The following TGFBR3 variants were observed in gnomAD, a reference collection of about 807,000 sequenced individuals.
TGFBR3 encodes transforming growth factor beta receptor type 3.
A neutral mutation model predicts 87.9 loss-of-function variants in TGFBR3; 46 were observed. That is an observed-to-expected ratio of 0.52 (90% CI 0.41 to 0.67). TGFBR3 has a LOEUF of 0.67. Among genes scored for constraint, TGFBR3 ranks in the 30% least tolerant of loss-of-function variants. The probability of loss-of-function intolerance (pLI) is 0.00; values close to 1 mark genes in which losing one functional copy is unlikely to be tolerated. For missense variants in TGFBR3, 866 were observed against 1,041.9 expected (o/e 0.83, Z 2.32); for synonymous variants, 381 against 391.6 (o/e 0.97, Z 0.32).
At chr1:91,729,390 T>G (rs1447096599) in intron 6 of TGFBR3, among the ~76,000 whole-genome samples, 2 of 152,014 alleles carry the variant, frequency 1.3e-5, no homozygotes, top group Non-Finnish European at 2.9e-5. Context: ...AAACAGAAGG[T>G]TACTAAGATG....
intron 2 of TGFBR3, among the ~76,000 whole-genome samples, chr1:91,859,002 C>A (rs1276754186): frequency 2.0e-5 from 3 of 151,590 alleles, no homozygotes; most frequent in Non-Finnish European, 4.4e-5. Flanking sequence ...TTGCAGTGAG[C>A]CGAGATGGCA....
chr1:91,799,559 C>T (rs1371728666), intron 2 of TGFBR3, among the ~76,000 whole-genome samples: 38 of 152,338 alleles, frequency 2.5e-4, no homozygotes, highest in Admixed American at 2.5e-3. Flanking sequence ...GGGACACACA[C>T]TGGCTACAGC....
intron 1 of TGFBR3, among the ~76,000 whole-genome samples, chr1:91,905,631 GC>G (rs1679829492): frequency 6.6e-6 from 1 of 151,688 alleles, no homozygotes; most frequent in Non-Finnish European, 1.5e-5. Flanking sequence ...ACGGGGTTTC[GC>G]TGATCCACCC....
intron 1 of TGFBR3, chr1:91,864,244 C>T (rs1407218775): frequency 1.3e-5 from 2 of 152,146 alleles, no homozygotes; most frequent in South Asian, 2.1e-4. Context: ...GTCTGTGCTG[C>T]GTTAATCCAG....
chr1:91,718,957 G>T (rs2100778915), intron 10 of TGFBR3, among the ~76,000 whole-genome samples: 1 of 152,298 alleles, frequency 6.6e-6, no homozygotes, highest in Admixed American at 6.5e-5. Context: ...CTGTGCAGAG[G>T]TGCTGCTCGT....
intron 1 of TGFBR3, chr1:91,866,807 A>G (rs1557752907): frequency 6.6e-6 from 1 of 152,324 alleles, no homozygotes; most frequent in Non-Finnish European, 1.5e-5. Flanking sequence ...CACTGCAGGC[A>G]GAGGAAGCAT....
At chr1:91,697,939 T>C (rs2100722074) in intron 15 of TGFBR3, 150 bp downstream of exon 15, 1 of 744,424 alleles carries the variant, frequency 1.3e-6, no homozygotes, top group South Asian at 1.6e-5. Flanking sequence ...GGAAAAAATA[T>C]GAGCAAAAAG....
At chr1:91,827,671 A>AC (rs1225546916) in intron 2 of TGFBR3, among the ~76,000 whole-genome samples, 3 of 152,234 alleles carry the variant, frequency 2.0e-5, no homozygotes, top group Admixed American at 2.0e-4. Context: ...AGTCCCTGGC[A>AC]CACAGTAAGC....
In TGFBR3 at chr1:91,861,590, A is replaced by G. The variant is rs761612569; in HGVS notation, c.-59T>C. ...ACTTCAGCCTGCTCAGAGCACAGACAATCTTTGCAAATCAGAAGTAGTCTT... is the reference window on the plus strand; with the variant it reads ...ACTTCAGCCTGCTCAGAGCACAGACGATCTTTGCAAATCAGAAGTAGTCTT... On this transcript the variant is annotated 5_prime_UTR_variant, in exon 2 of 17. Coordinates refer to ENST00000212355, the MANE Select transcript of TGFBR3 (RefSeq NM_003243.5). 7.4e-7 allele frequency: 1 copy of G among 1,343,656 alleles called. No individual in the cohort carries two copies. The highest frequency in any genetic ancestry group is 1.4e-5 in the African/African-American group (1 of 69,500). The allele number at this position is 1,343,656 out of a possible 1,614,324, so 83.2% of individuals were successfully genotyped here.
chr1:91,867,599 T>G (rs1324279301), intron 1 of TGFBR3, among the ~76,000 whole-genome samples: 7 of 152,234 alleles, frequency 4.6e-5, no homozygotes, highest in Admixed American at 4.6e-4. Flanking sequence ...GACCATGTTT[T>G]ATTCAAACTC....
chr1:91,849,222 G>T (rs1316584232), intron 2 of TGFBR3, among the ~76,000 whole-genome samples: 1 of 152,082 alleles, frequency 6.6e-6, no homozygotes, highest in East Asian at 1.9e-4. Context: ...ACATCCTTCA[G>T]ATCATATCAT....
chr1:91,887,002 T>G (rs1261582135), upstream of TGFBR3, among the ~76,000 whole-genome samples: 1 of 152,116 alleles, frequency 6.6e-6, no homozygotes, highest in Non-Finnish European at 1.5e-5. Context: ...CTGATACTCT[T>G]GCTTACACCC....
At chr1:91,816,180 G>C (rs1335436728) in intron 2 of TGFBR3, among the ~76,000 whole-genome samples, 1 of 152,008 alleles carries the variant, frequency 6.6e-6, no homozygotes, top group African/African-American at 2.4e-5. Context: ...GGAAAAAATA[G>C]ATCAACAAAC....
chr1:91,875,784 CGGG>C (rs1192137391), intron 1 of TGFBR3, among the ~76,000 whole-genome samples: 185 of 4,762 alleles, frequency 0.039, 16 homozygotes, highest in African/African-American at 0.072. Flanking sequence ...GCTACTCGGG[CGGG>C]GGGGGGGGGT....
intron 4 of TGFBR3, among the ~76,000 whole-genome samples, chr1:91,749,035 T>C (rs980204508): frequency 2.0e-5 from 3 of 152,254 alleles, no homozygotes; most frequent in Middle Eastern, 6.8e-3. Flanking sequence ...GTCTGACAGA[T>C]GCTGAGGTTG....
chr1:91,898,641 T>C (rs1679609863), intron 2 of TGFBR3, among the ~76,000 whole-genome samples: 1 of 152,078 alleles, frequency 6.6e-6, no homozygotes, highest in Non-Finnish European at 1.5e-5. Context: ...GGTTTCACCG[T>C]GTTAGCAGGA....
chr1:91,854,077 G>T (rs1040044719), intron 2 of TGFBR3, among the ~76,000 whole-genome samples: 2 of 152,258 alleles, frequency 1.3e-5, no homozygotes, highest in South Asian at 2.1e-4. Flanking sequence ...GCTGGGGAGT[G>T]GGGGTGGAAG....
chr1:91,874,630 TG>T (rs1360090912), intron 1 of TGFBR3, among the ~76,000 whole-genome samples: 3 of 152,114 alleles, frequency 2.0e-5, no homozygotes, highest in African/African-American at 7.2e-5. Flanking sequence ...CCCGAGTAGC[TG>T]GGATTACAGG....
At chr1:91,795,976 C>A (rs1675366582) in intron 3 of TGFBR3, among the ~76,000 whole-genome samples, 1 of 152,188 alleles carries the variant, frequency 6.6e-6, no homozygotes, top group African/African-American at 2.4e-5. Context: ...CCTCTTCCTA[C>A]CACCCCAAAA....
Sources: gnomAD v4.1 joint callset for allele counts (sites outside exome capture counted in the v4.1 genomes callset) on GRCh38, gnomAD v4.1.1 for gene constraint, MANE v1.5 for transcripts, NCBI Gene and HGNC (gene_info 2026-07-23, HGNC 2026-07-21) for gene names.